Variants in CCDC171 observed in about 807,000 individuals in gnomAD.
CCDC171 encodes coiled-coil domain-containing protein 171.
In CCDC171, 177 loss-of-function variants were observed where a neutral mutation model predicts 168.2. The ratio of observed to expected loss-of-function variants is 1.05; its 90% confidence interval spans 0.93 to 1.19. The LOEUF is 1.19. CCDC171 is among the 50% of genes most tolerant of loss of function. The pLI, the probability that CCDC171 is intolerant of heterozygous loss-of-function variation, is 0.00. For missense variants in CCDC171, 1,991 were observed against 1,539.0 expected (o/e 1.29, Z -4.91); for synonymous variants, 687 against 540.8 (o/e 1.27, Z -3.75).
At chr9:16,041,507 A>G (rs1281140000), upstream of CCDC171, among the ~76,000 whole-genome samples, 2 of 152,188 alleles carry the variant, frequency 1.3e-5, no homozygotes, top group African/African-American at 2.4e-5. Flanking sequence ...AGGGAGGGCA[A>G]TGAAGATTTT....
chr9:15,684,114 C>T (rs1438863434), intron 10 of CCDC171, among the ~76,000 whole-genome samples: 1 of 152,012 alleles, frequency 6.6e-6, no homozygotes, highest in Non-Finnish European at 1.5e-5. Context: ...ATAATGGTAA[C>T]TAGGTACAAG....
intron 25 of CCDC171, among the ~76,000 whole-genome samples, chr9:15,921,627 C>T (rs1026969291): frequency 1.1e-4 from 17 of 151,514 alleles, no homozygotes; most frequent in East Asian, 3.9e-4. Context: ...GTGAAAAGTA[C>T]GAGTAATCTA....
intron 7 of CCDC171, among the ~76,000 whole-genome samples, chr9:15,645,551 A>C (rs549621810): frequency 6.6e-6 from 1 of 152,296 alleles, no homozygotes; most frequent in East Asian, 1.9e-4. Context: ...GAAGTCCTTA[A>C]ATAACCTGAC....
intron 6 of CCDC171, among the ~76,000 whole-genome samples, chr9:15,622,869 T>C (rs979510872): frequency 1.3e-5 from 2 of 152,186 alleles, no homozygotes; most frequent in Non-Finnish European, 1.5e-5. Context: ...ATAAACATTA[T>C]TAGGCATTCA....
chr9:15,827,574 T>C (rs9406541), intron 21 of CCDC171, among the ~76,000 whole-genome samples: 67,279 of 151,994 alleles, frequency 0.44, 15,095 homozygotes, highest in African/African-American at 0.47. Flanking sequence ...TCTATTTTAT[T>C]CAAGTTTGAA....
chr9:15,810,250 G>A (rs2135943088), intron 21 of CCDC171, among the ~76,000 whole-genome samples: 1 of 152,352 alleles, frequency 6.6e-6, no homozygotes. Context: ...TAGACACAGA[G>A]TGCTGATTGG....
At chr9:15,666,440 C>G (rs535996102) in intron 9 of CCDC171, 117 bp downstream of exon 9, 170 of 657,008 alleles carry the variant, frequency 2.6e-4, no homozygotes, top group Middle Eastern at 4.4e-4. Flanking sequence ...CAGTGGTAGA[C>G]TGGGGCAAGT....
the CCDC171 span, among the ~76,000 whole-genome samples, chr9:16,101,790 A>G: frequency 6.6e-6 from 1 of 152,194 alleles, no homozygotes; most frequent in African/African-American, 2.4e-5. Context: ...AGCCAGGAAG[A>G]AAGCAGGGAA....
At chr9:15,982,158 TG>T (rs772876685) in intron 3 of CCDC171, among the ~76,000 whole-genome samples, 26 of 152,278 alleles carry the variant, frequency 1.7e-4, no homozygotes, top group Non-Finnish European at 3.4e-4. Flanking sequence ...TAAGGTGTTA[TG>T]TTTATAATTA....
chr9:15,838,592 A>C (rs2060547479), intron 21 of CCDC171, among the ~76,000 whole-genome samples: 1 of 152,210 alleles, frequency 6.6e-6, no homozygotes, highest in Non-Finnish European at 1.5e-5. Flanking sequence ...TTAAAGAAGG[A>C]TGGGAGTTGG....
At chr9:15,879,764 A>G (rs1162826000) in intron 24 of CCDC171, among the ~76,000 whole-genome samples, 1 of 152,138 alleles carries the variant, frequency 6.6e-6, no homozygotes, top group East Asian at 1.9e-4. Context: ...GGTTATTATG[A>G]ATAAGGTGGT....
chr9:15,588,381 T>C (rs1011448973), intron 4 of CCDC171: 2 of 259,530 alleles, frequency 7.7e-6, no homozygotes, highest in Admixed American at 5.1e-5. Context: ...CTGAAGGGGA[T>C]GCTACAGGAG....
At chr9:15,568,678 A>T (rs1172321970) in intron 2 of CCDC171, among the ~76,000 whole-genome samples, 1 of 152,046 alleles carries the variant, frequency 6.6e-6, no homozygotes, top group Non-Finnish European at 1.5e-5. Context: ...GCTTTGTTTC[A>T]TATGCTTGTT....
At chr9:15,581,146 CAGAG>C (rs2041080144) in intron 4 of CCDC171, among the ~76,000 whole-genome samples, 1 of 152,158 alleles carries the variant, frequency 6.6e-6, no homozygotes, top group South Asian at 2.1e-4. Context: ...AACAGACAAA[CAGAG>C]AGCCAAATCA....
intron 3 of CCDC171, among the ~76,000 whole-genome samples, chr9:15,577,504 A>G (rs796391): frequency 0.055 from 8,318 of 152,296 alleles, 270 homozygotes; most frequent in African/African-American, 0.089. Context: ...TCCCATTTCT[A>G]CCTGCAAAGA....
At chr9:15,847,892 C>G (rs1176341730) in intron 22 of CCDC171, among the ~76,000 whole-genome samples, 2 of 151,964 alleles carry the variant, frequency 1.3e-5, no homozygotes, top group Non-Finnish European at 2.9e-5. Context: ...TTTGAATAAC[C>G]ACTGATAATT....
At chr9:15,608,788 A>G (rs1254537333) in intron 6 of CCDC171, among the ~76,000 whole-genome samples, 1 of 150,084 alleles carries the variant, frequency 6.7e-6, no homozygotes, top group Non-Finnish European at 1.5e-5. Flanking sequence ...TCTCTATGAA[A>G]AAAAAAAAAA....
chr9:15,936,124 C>G (rs1589172552), intron 25 of CCDC171, among the ~76,000 whole-genome samples: 1 of 152,018 alleles, frequency 6.6e-6, no homozygotes, highest in African/African-American at 2.4e-5. Context: ...GACTAGTGTT[C>G]CAGTGGAGGA....
the CCDC171 span, among the ~76,000 whole-genome samples, chr9:16,075,260 A>G: frequency 6.6e-6 from 1 of 152,080 alleles, no homozygotes; most frequent in Non-Finnish European, 1.5e-5. Flanking sequence ...ATTTGGCTGT[A>G]TCCTGTTGTT....
Sources: allele counts gnomAD v4.1 joint callset (sites outside exome capture counted in the v4.1 genomes callset), GRCh38; gene constraint gnomAD v4.1.1; transcripts MANE v1.5; gene names NCBI Gene and HGNC (gene_info 2026-07-23, HGNC 2026-07-21).